The following TMEFF1 variants were observed in gnomAD, a reference collection of about 807,000 sequenced individuals.
TMEFF1 encodes tomoregulin-1.
In TMEFF1, 20 loss-of-function variants were observed where a neutral mutation model predicts 47.5. That is an observed-to-expected ratio of 0.42 (90% CI 0.30 to 0.61). TMEFF1 has a LOEUF of 0.61. TMEFF1 is among the 20% of genes least tolerant of loss of function. The pLI is 0.19. For synonymous variants in TMEFF1, 162 were observed against 166.3 expected, an observed-to-expected ratio of 0.97 and a Z score of 0.20; for missense variants, 411 against 471.1, an observed-to-expected ratio of 0.87 and a Z score of 1.18.
intron 7 of TMEFF1, 141 bp from the exon 8 acceptor site, chr9:100,561,256 C>T (rs1839007773): frequency 1.4e-6 from 2 of 1,420,706 alleles, no homozygotes; most frequent in Non-Finnish European, 1.9e-6. Flanking sequence ...ATCTAACCCC[C>T]TATCTGATAA....
intron 1 of TMEFF1, among the ~76,000 whole-genome samples, chr9:100,475,712 C>A (rs937215744): frequency 7.8e-6 from 1 of 128,692 alleles, no homozygotes. Context: ...TGATGCAGAG[C>A]GACTGTGTGT....
At chr9:100,505,783 A>G (rs1410182092) in intron 2 of TMEFF1, among the ~76,000 whole-genome samples, 1 of 152,260 alleles carries the variant, frequency 6.6e-6, no homozygotes, top group Non-Finnish European at 1.5e-5. Context: ...CACCTTTGTG[A>G]ACACAACACT....
chr9:100,527,409 G>A (rs915559144), intron 5 of TMEFF1, among the ~76,000 whole-genome samples: 2 of 152,216 alleles, frequency 1.3e-5, no homozygotes, highest in African/African-American at 2.4e-5. Flanking sequence ...GAAGCAGGGC[G>A]AGGCATTGCC....
chr9:100,544,387 C>G (rs908935176), intron 5 of TMEFF1, among the ~76,000 whole-genome samples: 3 of 152,166 alleles, frequency 2.0e-5, no homozygotes, highest in Admixed American at 1.3e-4. Flanking sequence ...TGGCGGCAGG[C>G]AAAGAGAGAG....
chr9:100,514,924 G>T (rs1838035313), intron 4 of TMEFF1, among the ~76,000 whole-genome samples: 1 of 152,116 alleles, frequency 6.6e-6, no homozygotes, highest in African/African-American at 2.4e-5. Flanking sequence ...GAACCCAGGA[G>T]ACAGAGGTTG....
At chr9:100,494,547 T>C (rs1447714667) in intron 1 of TMEFF1, among the ~76,000 whole-genome samples, 1 of 152,200 alleles carries the variant, frequency 6.6e-6, no homozygotes, top group Non-Finnish European at 1.5e-5. Flanking sequence ...TCCTGGTCTT[T>C]CTGGTCTGTC....
chr9:100,552,092 A>G (rs1263741224), intron 7 of TMEFF1, among the ~76,000 whole-genome samples: 1 of 152,208 alleles, frequency 6.6e-6, no homozygotes, highest in Non-Finnish European at 1.5e-5. Flanking sequence ...CTTAAGAGGT[A>G]GAAGTAGAAG....
At chr9:100,571,876 A>G (rs1235105376) in intron 8 of TMEFF1, among the ~76,000 whole-genome samples, 3 of 152,186 alleles carry the variant, frequency 2.0e-5, no homozygotes, top group African/African-American at 7.2e-5. Context: ...AGGAGCACTC[A>G]ACCTAGATCC....
At position 100,563,462 on chromosome 9, in the gene TMEFF1, T is replaced by C. The variant is rs969090220; in HGVS notation, c.899+1942T>C. Among the ~76,000 whole-genome samples, 15 of 152,204 alleles carry C rather than the reference T, an allele frequency of 9.9e-5. No homozygotes were observed. The East Asian group carries it at 1.9e-3, about 20-fold the overall frequency. ...ATTTTACTAACTGAAAGTAAGAGGA[T>C]TGAATCGTGTACAGGTTAAAGGCTT... On this transcript the variant is annotated intron_variant, in intron 8 of 9. Transcript: ENST00000374879.
At position 100,522,242 on chromosome 9, in the gene TMEFF1, G is replaced by A. The variant is rs574842966; in HGVS notation, c.560+5471G>A. 2.6e-5 allele frequency among the ~76,000 whole-genome samples: 4 copies of A among 152,094 alleles called. No homozygotes were observed. In the South Asian group the frequency reaches 8.3e-4, roughly 32 times the overall value. On this transcript the variant is annotated intron_variant, in intron 5 of 9. Coordinates refer to ENST00000374879, the MANE Select transcript of TMEFF1 (RefSeq NM_003692.5). The stretch of plus-strand genomic sequence containing the variant: ...AGATGGCAGTAATTTTTGTCATTTA[G>A]CACTGCCTTATTCTGGATATTTTAA...
intron 1 of TMEFF1, among the ~76,000 whole-genome samples, chr9:100,480,275 G>A (rs1837315386): frequency 6.6e-6 from 1 of 152,158 alleles, no homozygotes; most frequent in Non-Finnish European, 1.5e-5. Context: ...CAAGCACAGA[G>A]ATGCTCAAAT....
At chr9:100,572,328 G>C (rs994437052) in intron 8 of TMEFF1, among the ~76,000 whole-genome samples, 190 bp from the exon 9 acceptor site, 1 of 152,050 alleles carries the variant, frequency 6.6e-6, no homozygotes, top group Middle Eastern at 3.2e-3. Flanking sequence ...GGTGAAAGAC[G>C]CACCATGTAG....
At chr9:100,538,146 G>A (rs887587194) in intron 5 of TMEFF1, among the ~76,000 whole-genome samples, 1 of 151,912 alleles carries the variant, frequency 6.6e-6, no homozygotes, top group African/African-American at 2.4e-5. Flanking sequence ...TCCGCCTCCT[G>A]GGTTCAAATG....
At chr9:100,550,634 A>C (rs1838814045) in intron 7 of TMEFF1, among the ~76,000 whole-genome samples, 1 of 152,196 alleles carries the variant, frequency 6.6e-6, no homozygotes, top group African/African-American at 2.4e-5. Context: ...AGTCTATATT[A>C]GATGCCTTTC....
At position 100,558,674 on chromosome 9, in the gene TMEFF1, T is replaced by C. The variant is rs372378223; in HGVS notation, c.776-2723T>C. On this transcript the variant is annotated intron_variant, in intron 7 of 9. Transcript: ENST00000374879. Reference sequence around the variant, plus strand: ...GGAAACCTTTATTGGATAATAATTTTGTCAATGGAAAACAACAAAGATACA... The same window carrying C: ...GGAAACCTTTATTGGATAATAATTTCGTCAATGGAAAACAACAAAGATACA... Among the ~76,000 whole-genome samples the C allele has an allele frequency of 2.5e-4, 38 of 152,092 alleles. No individual in the cohort carries two copies. The East Asian group carries it at 6.2e-3, about 25-fold the overall frequency.
intron 7 of TMEFF1, among the ~76,000 whole-genome samples, chr9:100,552,867 A>AT (rs1838850768): frequency 6.6e-6 from 1 of 151,968 alleles, no homozygotes; most frequent in Non-Finnish European, 1.5e-5. Context: ...GTTTTGGAAA[A>AT]AAAAAAAAAA....
At chr9:100,502,406 C>T (rs980825940) in intron 2 of TMEFF1, among the ~76,000 whole-genome samples, 2 of 151,952 alleles carry the variant, frequency 1.3e-5, no homozygotes, top group African/African-American at 2.4e-5. Context: ...GTTGCCTAGG[C>T]GGGAGTGCAG....
intron 8 of TMEFF1, among the ~76,000 whole-genome samples, chr9:100,564,069 G>A (rs565754521): frequency 1.8e-4 from 28 of 152,106 alleles, no homozygotes; most frequent in African/African-American, 6.7e-4. Flanking sequence ...TGGTACCACT[G>A]ATTTTTCGTT....
intron 5 of TMEFF1, among the ~76,000 whole-genome samples, chr9:100,544,039 A>C (rs1048757349): frequency 1.3e-5 from 2 of 151,970 alleles, no homozygotes; most frequent in African/African-American, 2.4e-5. Context: ...AATTTTTTAA[A>C]TAGTCCCTTT....
Sources: allele counts gnomAD v4.1 joint callset (sites outside exome capture counted in the v4.1 genomes callset), GRCh38; gene constraint gnomAD v4.1.1; transcripts MANE v1.5; gene names NCBI Gene and HGNC (gene_info 2026-07-23, HGNC 2026-07-21).